Variants in LAMP1 observed in about 807,000 individuals in gnomAD.
The protein encoded by LAMP1 is lysosome-associated membrane glycoprotein 1.
LAMP1 carries 7 observed loss-of-function variants against 37.5 expected under a neutral mutation model. The observed-to-expected ratio is 0.19, with a 90% CI of 0.11 to 0.35. LAMP1 has a LOEUF of 0.35. LAMP1 is among the 10% of genes least tolerant of loss of function. The pLI, the probability that LAMP1 is intolerant of heterozygous loss-of-function variation, is 1.00. For missense variants in LAMP1, 537 were observed against 552.8 expected (o/e 0.97, Z 0.29); for synonymous variants, 236 against 229.1 (o/e 1.03, Z -0.27).
In LAMP1 at chr13:113,323,245, ATTTTTATTTG is replaced by A. The variant is rs2042716883; in HGVS notation, c.*826_*835del. 1 of 151,318 alleles carries A rather than the reference ATTTTTATTTG, an allele frequency of 6.6e-6. No homozygotes were observed. Among genetic ancestry groups the A allele is most frequent in the African/African-American group, 2.4e-5 (1 of 41,120 alleles). 9.4% of individuals were successfully genotyped at this position (151,318 alleles called of 1,614,324 possible). A position where few individuals can be genotyped will look rare whatever the true frequency, so the allele number is the denominator to read the frequency against. On this transcript the variant is annotated 3_prime_UTR_variant, in exon 9 of 9. Coordinates refer to ENST00000332556, the MANE Select transcript of LAMP1 (RefSeq NM_005561.4). ...AAATATAAAAATGGGTGTTATTTTT[ATTTTTATTTG>A]TAAAGTGATTTTTGGTCTTCTGTTG...
chr13:113,300,834 T>A (rs1273063137), intron 1 of LAMP1, among the ~76,000 whole-genome samples: 1 of 151,972 alleles, frequency 6.6e-6, no homozygotes, highest in African/African-American at 2.4e-5. Context: ...AGAAAAAAAT[T>A]TTTTTTCTAC....
At chr13:113,322,182 TC>T in intron 8 of LAMP1, 99 bp from the exon 9 acceptor site, 1 of 1,363,730 alleles carries the variant, frequency 7.3e-7, no homozygotes, top group Non-Finnish European at 9.9e-7. Flanking sequence ...CCAGGGTTCC[TC>T]TTTGCCTTTT....
chr13:113,301,575 A>C (rs2042571248), intron 1 of LAMP1, among the ~76,000 whole-genome samples: 1 of 149,008 alleles, frequency 6.7e-6, no homozygotes, highest in Non-Finnish European at 1.5e-5. Flanking sequence ...GTGAGCGAAG[A>C]TCATGCTACT....
At chr13:113,301,638 A>AATAAAT (rs2042572829) in intron 1 of LAMP1, among the ~76,000 whole-genome samples, 1 of 28,942 alleles carries the variant, frequency 3.5e-5, no homozygotes, top group Non-Finnish European at 8.6e-5. Flanking sequence ...AAAAAAAAAA[A>AATAAAT]AAAAAAATAT....
intron 3 of LAMP1, 74 bp downstream of exon 3, chr13:113,309,936 TAAGA>T (rs1270191720): frequency 2.4e-6 from 3 of 1,224,664 alleles, no homozygotes; most frequent in Non-Finnish European, 3.6e-6. Context: ...TACTTTTACC[TAAGA>T]AGTACAGGCT....
intron 8 of LAMP1, 51 bp from the exon 9 acceptor site, chr13:113,322,231 T>C: frequency 6.4e-7 from 1 of 1,559,472 alleles, no homozygotes; most frequent in South Asian, 1.2e-5. Flanking sequence ...GAGGCCTGTT[T>C]GCAGGCCCCT....
At chr13:113,306,640 G>C (rs1460874923) in intron 2 of LAMP1, 34 bp downstream of exon 2, 2 of 1,592,446 alleles carry the variant, frequency 1.3e-6, no homozygotes, top group Admixed American at 1.8e-5. Flanking sequence ...TGCTTCCCTT[G>C]TGTGTGTGGA....
chr13:113,309,736 G>T lies in LAMP1; in HGVS notation c.277G>T (p.Ala93Ser), dbSNP rs1230508583. 2.5e-6 allele frequency: 4 copies of T among 1,614,170 alleles called. No individual in the cohort carries two copies. Among genetic ancestry groups the T allele is most frequent in the Non-Finnish European group, 3.4e-6 (4 of 1,180,026 alleles). ...CACTTCTGACCCCAGTCTCGTGATT[G>T]CTTTTGGAAGAGGACATACACTCAC... is the stretch of plus-strand genomic sequence containing the variant. ...ENTSDPSLVI[A>S]FGRGHTLTLN... The change falls in exon 3 of 9, where the codon GCT (alanine) becomes TCT (serine). Residue 93 changes from alanine (A) to serine (S), a missense_variant. Physicochemically the swap from Ala to Ser is moderately conservative, Grantham distance 99. Transcript: ENST00000332556.
At chr13:113,315,329 G>A (rs560917732) in intron 4 of LAMP1, among the ~76,000 whole-genome samples, 4 of 152,014 alleles carry the variant, frequency 2.6e-5, no homozygotes, top group Admixed American at 6.5e-5. Flanking sequence ...GCGTCCTGGA[G>A]GCTGGGCTTC....
chr13:113,301,627 TAAAAAAAAA>T (rs1161593860), intron 1 of LAMP1, among the ~76,000 whole-genome samples: 70 of 9,382 alleles, frequency 7.5e-3, no homozygotes, highest in African/African-American at 0.019. Context: ...TGTTTCCATT[TAAAAAAAAA>T]AAAAAAAAAT....
chr13:113,310,489 G>A (rs568846203), intron 3 of LAMP1, among the ~76,000 whole-genome samples: 15 of 152,264 alleles, frequency 9.9e-5, no homozygotes, highest in African/African-American at 3.6e-4. Context: ...TCACGCCACT[G>A]TGCTCCAGCT....
At chr13:113,311,333 GTGTT>G (rs1418371061) in intron 4 of LAMP1, among the ~76,000 whole-genome samples, 2 of 152,344 alleles carry the variant, frequency 1.3e-5, no homozygotes, top group African/African-American at 2.4e-5. Context: ...AAAAAAGTAA[GTGTT>G]TGATTTTAGC....
chr13:113,304,151 A>G (rs907254199), intron 1 of LAMP1, among the ~76,000 whole-genome samples: 3 of 152,270 alleles, frequency 2.0e-5, no homozygotes, highest in Non-Finnish European at 4.4e-5. Context: ...TTAGTTTGAA[A>G]TATTTCCTAA....
chr13:113,311,945 G>C lies in LAMP1; in HGVS notation c.562+1078G>C, dbSNP rs546989873. On this transcript the variant is annotated intron_variant, in intron 4 of 8. Coordinates refer to ENST00000332556, the MANE Select transcript of LAMP1 (RefSeq NM_005561.4). The stretch of plus-strand genomic sequence containing the variant: ...GGGCCTGTGATTTGCCTTAGGGTGA[G>C]CTTTCCCGGCTGATAGAAATATGTA... 7.2e-5 allele frequency among the ~76,000 whole-genome samples: 11 copies of C among 152,322 alleles called. No homozygotes were observed. In the East Asian group the frequency reaches 1.9e-3, roughly 27 times the overall value.
At chr13:113,306,656 G>C (rs771047642) in intron 2 of LAMP1, 50 bp downstream of exon 2, 2 of 1,578,566 alleles carry the variant, frequency 1.3e-6, no homozygotes, top group Non-Finnish European at 1.7e-6. Context: ...GTGGAAAGAT[G>C]ATTTTTAACA....
intron 1 of LAMP1, among the ~76,000 whole-genome samples, chr13:113,304,028 G>T (rs2042586395): frequency 6.6e-6 from 1 of 152,024 alleles, no homozygotes; most frequent in African/African-American, 2.4e-5. Context: ...GAGGGCTACT[G>T]CACTCCAGCC....
In LAMP1 at chr13:113,321,861, G is replaced by T. The variant is rs547800731; in HGVS notation, c.1114+134G>T. On this transcript the variant is annotated intron_variant, in intron 8 of 8. Coordinates refer to ENST00000332556, the MANE Select transcript of LAMP1 (RefSeq NM_005561.4). This position sits in a 1 kb window ranked among gnomAD's most constrained non-coding sequence, Gnocchi z 5.6. The stretch of plus-strand genomic sequence containing the variant: ...CTGCAAGGAGCTGTTTCTTCTTGCC[G>T]GTCTGAGATTCTAGAGGTAACTCCC... The T allele has an allele frequency of 3.2e-5, 28 of 879,312 alleles. No individual in the cohort carries two copies. The highest frequency in any genetic ancestry group is 4.5e-5 in the Non-Finnish European group (26 of 581,062). The allele number at this position is 879,312 out of a possible 1,614,324, so 54.5% of individuals were successfully genotyped here. A position where few individuals can be genotyped will look rare whatever the true frequency, so the allele number is the denominator to read the frequency against.
At chr13:113,306,678 T>G in intron 2 of LAMP1, 72 bp downstream of exon 2, 1 of 1,552,052 alleles carries the variant, frequency 6.4e-7, no homozygotes, top group Non-Finnish European at 8.8e-7. Flanking sequence ...TTCAACCAAG[T>G]CTTTGAAAAA....
rs774558141 is a variant in LAMP1 at position 113,309,686 on chromosome 13, A to G, written c.227A>G (p.Asn76Ser). ...DLPSDATVVLNRSSCGKENTS... is the reference protein window; with the variant it reads ...DLPSDATVVLSRSSCGKENTS... The stretch of plus-strand genomic sequence containing the variant: ...CCATCAGATGCCACAGTGGTGCTCA[A>G]CCGCAGCTCCTGTGGAAAAGAGAAC... The change falls in exon 3 of 9, where the codon AAC (asparagine) becomes AGC (serine). Residue 76 changes from asparagine to serine, a missense_variant. Physicochemically the swap from Asn to Ser is conservative, Grantham distance 46 (BLOSUM62 1). Transcript: ENST00000332556. 3.1e-6 allele frequency: 5 copies of G among 1,614,074 alleles called. No homozygotes were observed. The African/African-American group carries it at 4.0e-5, about 13-fold the overall frequency.
Sources: allele counts gnomAD v4.1 joint callset (sites outside exome capture counted in the v4.1 genomes callset), GRCh38; gene constraint gnomAD v4.1.1; non-coding constraint Gnocchi (gnomAD v3.1); transcripts MANE v1.5; gene names NCBI Gene and HGNC (gene_info 2026-07-23, HGNC 2026-07-21).